The following SNTG1 variants were observed in gnomAD, a reference collection of about 807,000 sequenced individuals.
SNTG1 encodes gamma-1-syntrophin.
SNTG1 carries 39 observed loss-of-function variants against 74.7 expected under a neutral mutation model. The observed-to-expected ratio is 0.52, with a 90% CI of 0.40 to 0.68. The LOEUF is 0.68. SNTG1 is among the 30% of genes least tolerant of loss of function. The pLI is 0.00. For synonymous variants in SNTG1, 254 were observed against 217.1 expected, an observed-to-expected ratio of 1.17 and a Z score of -1.49; for missense variants, 685 against 609.5, an observed-to-expected ratio of 1.12 and a Z score of -1.30.
chr8:50,792,094 T>G (rs1293407946), intron 18 of SNTG1, among the ~76,000 whole-genome samples: 1 of 150,516 alleles, frequency 6.6e-6, no homozygotes, highest in Non-Finnish European at 1.5e-5. Context: ...TTTTTTTTTT[T>G]AGTAAATATG....
chr8:50,098,976 A>G (rs765790718), intron 1 of SNTG1, among the ~76,000 whole-genome samples: 1 of 152,126 alleles, frequency 6.6e-6, no homozygotes, highest in Admixed American at 6.6e-5. Flanking sequence ...GTACACATAG[A>G]ACAACGGGCC....
intron 1 of SNTG1, among the ~76,000 whole-genome samples, chr8:50,010,612 G>A (rs1259646393): frequency 1.3e-5 from 2 of 151,878 alleles, no homozygotes; most frequent in South Asian, 2.1e-4. Context: ...AGGTGCACCT[G>A]ACAAATACCA....
At chr8:50,674,641 A>C (rs967814725) in intron 15 of SNTG1, among the ~76,000 whole-genome samples, 4 of 150,858 alleles carry the variant, frequency 2.7e-5, no homozygotes, top group Non-Finnish European at 5.9e-5. Context: ...TGATTTTTGG[A>C]GGGATTTTGT....
chr8:50,539,226 T>G (rs533230423), intron 11 of SNTG1, among the ~76,000 whole-genome samples: 1 of 152,302 alleles, frequency 6.6e-6, no homozygotes, highest in South Asian at 2.1e-4. Flanking sequence ...TGACAAGTGA[T>G]TTAACAAAAT....
intron 15 of SNTG1, among the ~76,000 whole-genome samples, chr8:50,684,025 T>C (rs1301805047): frequency 6.6e-6 from 1 of 152,212 alleles, no homozygotes; most frequent in East Asian, 1.9e-4. Flanking sequence ...AGATTCTACA[T>C]ACAAATTATT....
chr8:49,928,520 C>T (rs766849920), intron 1 of SNTG1, among the ~76,000 whole-genome samples: 4 of 151,984 alleles, frequency 2.6e-5, no homozygotes, highest in African/African-American at 9.7e-5. Flanking sequence ...TGTGAGCCAC[C>T]GCGACCGGCC....
rs528596695 is a variant in SNTG1, at chr8:49,947,857, G to A, written c.-103+35626G>A. On this transcript the variant is annotated intron_variant, in intron 1 of 18. Transcript: ENST00000642720. ...ATTAAAAGTTGATATCAGGCCTGGCGCGGTGGCTCATGCCTATAATCTCAT... is the reference window on the plus strand; with the variant it reads ...ATTAAAAGTTGATATCAGGCCTGGCACGGTGGCTCATGCCTATAATCTCAT... Among the ~76,000 whole-genome samples, 37 of 152,224 alleles carry A rather than the reference G, an allele frequency of 2.4e-4. No individual in the cohort carries two copies. In the East Asian group the frequency reaches 4.8e-3, roughly 20 times the overall value.
chr8:50,419,155 G>C (rs146916589), intron 4 of SNTG1, among the ~76,000 whole-genome samples: 35 of 152,176 alleles, frequency 2.3e-4, no homozygotes, highest in South Asian at 6.2e-4. Context: ...GGAGAAGCCA[G>C]TAACCTGGAA....
chr8:50,051,062 C>T (rs1420112726), intron 1 of SNTG1, among the ~76,000 whole-genome samples: 1 of 152,012 alleles, frequency 6.6e-6, no homozygotes, highest in Non-Finnish European at 1.5e-5. Context: ...AGATTGAATA[C>T]TTTCCCCCTA....
At chr8:49,977,032 A>G (rs779366014) in intron 1 of SNTG1, among the ~76,000 whole-genome samples, 2 of 152,158 alleles carry the variant, frequency 1.3e-5, no homozygotes, top group Non-Finnish European at 2.9e-5. Context: ...CTTTGATTCC[A>G]TGTTTTAATA....
rs150248261 is a variant in SNTG1, at chr8:50,223,653, G to A, written c.-28+51018G>A. 3.5e-3 allele frequency among the ~76,000 whole-genome samples: 536 copies of A among 152,020 alleles called. 1 individual carries two copies. The highest frequency in any genetic ancestry group is 0.014 in the South Asian group (66 of 4,828). ...TCACTTAGGAAACAAAAAGAAAAGA[G>A]CAATAAAATACAGAAAATATATTTT... On this transcript the variant is annotated intron_variant, in intron 2 of 18. Coordinates refer to ENST00000642720, the MANE Select transcript of SNTG1 (RefSeq NM_018967.5).
rs2095524071 is a variant in SNTG1, at chr8:50,734,944, TGG to T, written c.1285-17056_1285-17055del. ...GTCCATATACATATATAGATATATA[TGG>T]ACATATATATCTATATATCCATATA... On this transcript the variant is annotated intron_variant, in intron 17 of 18. Coordinates refer to ENST00000642720, the MANE Select transcript of SNTG1 (RefSeq NM_018967.5). Among the ~76,000 whole-genome samples, 24 of 130,108 alleles carry T rather than the reference TGG, an allele frequency of 1.8e-4. 3 individuals are homozygous for T. The highest frequency in any genetic ancestry group is 1.5e-4 in the Admixed American group (2 of 12,976). The allele number at this position is 130,108 out of a possible 152,430, so 85.4% of individuals were successfully genotyped here. A position where few individuals can be genotyped will look rare whatever the true frequency, so the allele number is the denominator to read the frequency against.
chr8:50,321,833 T>C (rs1476610701), intron 2 of SNTG1, among the ~76,000 whole-genome samples: 2 of 152,144 alleles, frequency 1.3e-5, no homozygotes. Context: ...TTTAACTTTG[T>C]TCCCCCAATT....
intron 3 of SNTG1, among the ~76,000 whole-genome samples, chr8:50,395,508 T>TTTG (rs1267902725): frequency 6.9e-4 from 102 of 147,710 alleles, no homozygotes; most frequent in African/African-American, 2.4e-3. Context: ...TAATTTCTGT[T>TTTG]TTTTTTTTTT....
intron 4 of SNTG1, among the ~76,000 whole-genome samples, chr8:50,432,438 G>A (rs972972825): frequency 8.8e-4 from 134 of 151,928 alleles, no homozygotes; most frequent in African/African-American, 3.1e-3. Context: ...GTAAGTCCTA[G>A]GTCAAGCATC....
At chr8:50,251,324 T>C (rs918696719) in intron 2 of SNTG1, among the ~76,000 whole-genome samples, 4 of 151,676 alleles carry the variant, frequency 2.6e-5, no homozygotes, top group African/African-American at 9.7e-5. Context: ...AGAAACAAAA[T>C]ATCTACAAAA....
chr8:50,208,411 G>C (rs1388032608), intron 2 of SNTG1, among the ~76,000 whole-genome samples: 1 of 152,008 alleles, frequency 6.6e-6, no homozygotes, highest in South Asian at 2.1e-4. Context: ...TCCATTTGCT[G>C]GGTAGATCTT....
intron 2 of SNTG1, among the ~76,000 whole-genome samples, chr8:50,276,987 G>A (rs929618185): frequency 3.3e-5 from 5 of 151,900 alleles, no homozygotes; most frequent in African/African-American, 9.7e-5. Flanking sequence ...CCACCACCAC[G>A]CCTGGCTAAT....
Position 49,914,232 on chromosome 8 carries a change from TCAA to T in SNTG1, c.-103+2004_-103+2006del, listed in dbSNP as rs533025930. Reference sequence around the variant, plus strand: ...AGAATCACTTGTCTTTAAAGAAAAATCAACATTTTATTAAGGGATATCTGTACC... The same window carrying T: ...AGAATCACTTGTCTTTAAAGAAAAATCATTTTATTAAGGGATATCTGTACC... On this transcript the variant is annotated intron_variant, in intron 1 of 18. Transcript: ENST00000642720. 1.2e-3 allele frequency among the ~76,000 whole-genome samples: 186 copies of T among 152,096 alleles called. 1 individual carries two copies. The highest frequency in any genetic ancestry group is 4.3e-3 in the African/African-American group (177 of 41,492).
Sources: allele counts gnomAD v4.1 joint callset (sites outside exome capture counted in the v4.1 genomes callset), GRCh38; gene constraint gnomAD v4.1.1; transcripts MANE v1.5; gene names NCBI Gene and HGNC (gene_info 2026-07-23, HGNC 2026-07-21).